Variants in RBFOX2 observed in about 807,000 individuals in gnomAD.
RBFOX2 encodes the protein RNA binding protein fox-1 homolog 2.
A neutral mutation model predicts 49.1 loss-of-function variants in RBFOX2; 10 were observed. That is an observed-to-expected ratio of 0.20 (90% CI 0.13 to 0.35). RBFOX2 has a LOEUF of 0.35. Ranked by LOEUF, RBFOX2 falls within the 10% of genes least tolerant of loss-of-function variation. RBFOX2 has a pLI of 1.00. For synonymous variants in RBFOX2, 183 were observed against 187.4 expected (o/e 0.98, Z 0.19); for missense variants, 323 against 486.9 (o/e 0.66, Z 3.17).
At chr22:35,804,237 C>T (rs374674326) in intron 2 of RBFOX2, among the ~76,000 whole-genome samples, 18 of 151,578 alleles carry the variant, frequency 1.2e-4, no homozygotes, top group African/African-American at 4.4e-4. Flanking sequence ...GAGATTGCAC[C>T]ACTGCACTCC....
chr22:35,804,130 G>T (rs1950266566), intron 2 of RBFOX2, among the ~76,000 whole-genome samples: 1 of 151,906 alleles, frequency 6.6e-6, no homozygotes, highest in South Asian at 2.1e-4. Context: ...ATACAAAAAT[G>T]AGCTGGGCAT....
intron 8 of RBFOX2, 156 bp from the exon 10 acceptor site, chr22:35,760,176 T>C: frequency 1.1e-6 from 1 of 928,076 alleles, no homozygotes; most frequent in Admixed American, 2.6e-5. Flanking sequence ...CGTTCTACCC[T>C]GGGTCTCTCA....
chr22:35,949,344 T>C lies in RBFOX2; in HGVS notation c.43-10447A>G, dbSNP rs138853850. Among the ~76,000 whole-genome samples the C allele has an allele frequency of 5.1e-3, 783 of 152,344 alleles. 8 individuals carry two copies. The highest frequency in any genetic ancestry group is 0.021 in the South Asian group (99 of 4,824). ...CTATTGTGAATAAAGCTGCTATGAA[T>C]ATGGGTGTACAGATATCTATTCAAG... is the stretch of plus-strand genomic sequence containing the variant. On this transcript the variant is annotated intron_variant, in intron 1 of 5. Transcript: ENST00000408983.
chr22:35,851,099 ATTC>A (rs2041888151), intron 1 of RBFOX2, among the ~76,000 whole-genome samples: 1 of 152,148 alleles, frequency 6.6e-6, no homozygotes, highest in African/African-American at 2.4e-5. Flanking sequence ...CATCAGTGTA[ATTC>A]TTCTCCTTTT....
chr22:35,856,629 GAA>G (rs796462267), intron 1 of RBFOX2, among the ~76,000 whole-genome samples: 23 of 135,224 alleles, frequency 1.7e-4, no homozygotes, highest in South Asian at 2.4e-4. Context: ...GCCAGGAGGG[GAA>G]AAAAAAAAAA....
rs10625815 is a variant in RBFOX2 at position 36,000,005 on chromosome 22, A to ATATATATAT, written c.186+28234_186+28235insATATATATA. On this transcript the variant is annotated intron_variant, in intron 1 of 13. Coordinates refer to the RBFOX2 transcript ENST00000438146. ...AAGTTATATATATATATATATATAT[A>ATATATATAT]TTTTTTTTTTTTGAGATGGAGTCTC... 10 of 118,952 alleles carry ATATATATAT rather than the reference A, an allele frequency of 8.4e-5. No homozygotes were observed. In the East Asian group the frequency reaches 1.7e-3, roughly 21 times the overall value. The allele number at this position is 118,952 out of a possible 1,614,324, so 7.4% of individuals were successfully genotyped here.
intron 4 of RBFOX2, among the ~76,000 whole-genome samples, chr22:35,768,774 C>T (rs919858438): frequency 6.6e-6 from 1 of 152,084 alleles, no homozygotes; most frequent in African/African-American, 2.4e-5. Context: ...CTCTGACATC[C>T]CAAATCTATT....
chr22:35,947,672 T>TAAAA (rs559788717), intron 1 of RBFOX2, among the ~76,000 whole-genome samples: 3 of 34,126 alleles, frequency 8.8e-5, no homozygotes, highest in African/African-American at 3.6e-4. Context: ...GTTTAAAAAG[T>TAAAA]AAAAAAAAAA....
intron 1 of RBFOX2, among the ~76,000 whole-genome samples, chr22:35,882,217 TC>T (rs1342704589): frequency 6.6e-6 from 1 of 152,104 alleles, no homozygotes; most frequent in Admixed American, 6.5e-5. Context: ...AAGTATGATG[TC>T]CTGCAAGTCA....
At chr22:35,861,805 T>C (rs1388250288) in intron 1 of RBFOX2, among the ~76,000 whole-genome samples, 1 of 152,020 alleles carries the variant, frequency 6.6e-6, no homozygotes, top group African/African-American at 2.4e-5. Context: ...AAAGAACATA[T>C]AAAGAATATG....
chr22:35,882,261 G>C (rs1345266591), intron 1 of RBFOX2, among the ~76,000 whole-genome samples: 2 of 152,150 alleles, frequency 1.3e-5, no homozygotes, highest in African/African-American at 2.4e-5. Context: ...AGAACGAAGT[G>C]ATCAGTGATA....
chr22:36,013,015 C>T (rs546419993), intron 1 of RBFOX2, among the ~76,000 whole-genome samples: 4 of 152,222 alleles, frequency 2.6e-5, no homozygotes, highest in South Asian at 4.2e-4. Context: ...TCGCCCGCCT[C>T]GGCTTCCCAA....
chr22:35,745,807 A>T, intron 11 of RBFOX2, 116 bp downstream of exon 13: 1 of 1,052,360 alleles, frequency 9.5e-7, no homozygotes, highest in Non-Finnish European at 1.4e-6. Context: ...ATGTGGCTTT[A>T]ATACCTTGAT....
At chr22:35,898,004 A>G (rs1327532037) in intron 1 of RBFOX2, 8 of 730,762 alleles carry the variant, frequency 1.1e-5, no homozygotes, top group Non-Finnish European at 2.0e-5. Context: ...TTGGTTTCCC[A>G]GTCTCGTCCA....
chr22:35,816,565 G>GA (rs1479258874), intron 1 of RBFOX2, among the ~76,000 whole-genome samples: 6 of 152,094 alleles, frequency 3.9e-5, no homozygotes, highest in African/African-American at 1.4e-4. Context: ...ATGTTGAGAG[G>GA]AAAAATCTAT....
intron 1 of RBFOX2, among the ~76,000 whole-genome samples, chr22:36,007,899 T>G (rs2058678400): frequency 6.6e-6 from 1 of 152,178 alleles, no homozygotes; most frequent in African/African-American, 2.4e-5. Context: ...TTTTTTCTCA[T>G]CAAGAATGTA....
intron 1 of RBFOX2, among the ~76,000 whole-genome samples, chr22:35,919,232 T>C (rs952295813): frequency 1.3e-5 from 2 of 152,152 alleles, no homozygotes; most frequent in Non-Finnish European, 2.9e-5. Context: ...GTAGTGGGCA[T>C]AGAGGAATTA....
rs9622295 is a variant in RBFOX2 at position 35,860,768 on chromosome 22, C to G, written c.-33-50764G>C. ...GGATATACACTGAATCTACAGATCA[C>G]TTTGGGGAGAATTAACATCCGAGAG... On this transcript the variant is annotated intron_variant, in intron 1 of 13. Coordinates refer to the RBFOX2 transcript ENST00000359369. Among the ~76,000 whole-genome samples, 902 of 152,302 alleles carry G rather than the reference C, an allele frequency of 5.9e-3. 8 individuals carry two copies. The highest frequency in any genetic ancestry group is 0.02 in the African/African-American group (844 of 41,562).
At chr22:35,960,216 A>G (rs2056046357) in intron 1 of RBFOX2, among the ~76,000 whole-genome samples, 1 of 152,222 alleles carries the variant, frequency 6.6e-6, no homozygotes, top group Admixed American at 6.5e-5. Context: ...CTGACTGAGA[A>G]CACACCAAAT....
Sources: gnomAD v4.1 joint callset for allele counts (sites outside exome capture counted in the v4.1 genomes callset) on GRCh38, gnomAD v4.1.1 for gene constraint, MANE v1.5 for transcripts, NCBI Gene and HGNC (gene_info 2026-07-23, HGNC 2026-07-21) for gene names.